Variants in ASIC2 observed in about 807,000 individuals in gnomAD.
ASIC2 encodes acid-sensing ion channel 2.
A neutral mutation model predicts 57.3 loss-of-function variants in ASIC2; 25 were observed. The observed-to-expected ratio is 0.44, with a 90% CI of 0.32 to 0.61. The LOEUF is 0.61. Among genes scored for constraint, ASIC2 ranks in the 20% least tolerant of loss-of-function variants. ASIC2 has a pLI of 0.06. For synonymous variants in ASIC2, 319 were observed against 307.5 expected (o/e 1.04, Z -0.39); for missense variants, 641 against 738.1 (o/e 0.87, Z 1.52).
chr17:33,796,139 C>T (rs569157463), intron 1 of ASIC2, among the ~76,000 whole-genome samples: 5 of 152,270 alleles, frequency 3.3e-5, no homozygotes, highest in Non-Finnish European at 5.9e-5. Context: ...ATAATTGTGT[C>T]GGAGGACAGA....
chr17:33,502,484 C>G (rs1409023089), intron 1 of ASIC2, among the ~76,000 whole-genome samples: 1 of 152,180 alleles, frequency 6.6e-6, no homozygotes, highest in Non-Finnish European at 1.5e-5. Context: ...TGGCCGCTAG[C>G]TTGGAGCAAA....
intron 1 of ASIC2, among the ~76,000 whole-genome samples, chr17:33,499,928 C>T (rs948947930): frequency 5.3e-5 from 8 of 152,110 alleles, no homozygotes; most frequent in African/African-American, 1.9e-4. Context: ...CCAGAGCTAG[C>T]TCTCCTTCTA....
chr17:33,998,351 G>A (rs1419776717), intron 1 of ASIC2, among the ~76,000 whole-genome samples: 3 of 151,792 alleles, frequency 2.0e-5, no homozygotes, highest in Admixed American at 6.6e-5. Flanking sequence ...ATTTTTCATT[G>A]TTTTGCTCAT....
intron 1 of ASIC2, among the ~76,000 whole-genome samples, chr17:33,896,384 T>TG (rs1491514651): frequency 6.6e-6 from 1 of 152,202 alleles, no homozygotes; most frequent in African/African-American, 2.4e-5. Flanking sequence ...GATGTTTTTT[T>TG]GGGGGGAATC....
intron 1 of ASIC2, among the ~76,000 whole-genome samples, chr17:33,159,257 C>A (rs1320689118): frequency 2.0e-5 from 3 of 152,200 alleles, no homozygotes; most frequent in African/African-American, 4.8e-5. Flanking sequence ...TGCACTTCAA[C>A]GATGCATCAT....
chr17:34,138,804 C>T (rs569336778), intron 1 of ASIC2, among the ~76,000 whole-genome samples: 1 of 152,312 alleles, frequency 6.6e-6, no homozygotes, highest in Non-Finnish European at 1.5e-5. Context: ...CATTGTTCGA[C>T]TCTAGTGAAT....
chr17:33,544,282 C>T (rs9889836), intron 1 of ASIC2, among the ~76,000 whole-genome samples: 15,143 of 152,176 alleles, frequency 0.1, 1,986 homozygotes, highest in African/African-American at 0.3. Context: ...TGTTCGTCCA[C>T]GCACCAGCTG....
At chr17:33,720,753 T>C (rs1277542501) in intron 1 of ASIC2, among the ~76,000 whole-genome samples, 2 of 152,150 alleles carry the variant, frequency 1.3e-5, no homozygotes, top group Non-Finnish European at 2.9e-5. Context: ...AACACAGAAA[T>C]AATGCTTGTG....
intron 1 of ASIC2, among the ~76,000 whole-genome samples, chr17:33,341,323 CTCT>C (rs1597690349): frequency 6.6e-6 from 1 of 152,198 alleles, no homozygotes; most frequent in South Asian, 2.1e-4. Flanking sequence ...CATGGAGAAA[CTCT>C]TCTTAGAATT....
intron 1 of ASIC2, among the ~76,000 whole-genome samples, chr17:33,599,501 G>A (rs907756202): frequency 6.6e-6 from 1 of 152,244 alleles, no homozygotes; most frequent in Non-Finnish European, 1.5e-5. Flanking sequence ...CAGGTCTGGG[G>A]CTCAGAACTA....
At chr17:34,053,329 T>C (rs557714541) in intron 1 of ASIC2, among the ~76,000 whole-genome samples, 1 of 152,130 alleles carries the variant, frequency 6.6e-6, no homozygotes, top group Non-Finnish European at 1.5e-5. Flanking sequence ...ACACTGGAAA[T>C]GCTCTCCCAG....
At chr17:33,343,130 C>A (rs1907795828) in intron 1 of ASIC2, among the ~76,000 whole-genome samples, 1 of 152,118 alleles carries the variant, frequency 6.6e-6, no homozygotes, top group Admixed American at 6.5e-5. Flanking sequence ...GCAAAGCAGA[C>A]AAAGACAAAA....
chr17:33,940,591 C>A (rs1451455589), intron 1 of ASIC2, among the ~76,000 whole-genome samples: 1 of 152,088 alleles, frequency 6.6e-6, no homozygotes, highest in Non-Finnish European at 1.5e-5. Context: ...TTGAACACAA[C>A]AATGCACTGT....
At chr17:34,152,286 A>G (rs997177074) in intron 1 of ASIC2, among the ~76,000 whole-genome samples, 1 of 152,254 alleles carries the variant, frequency 6.6e-6, no homozygotes, top group East Asian at 1.9e-4. Context: ...TAGGTTAAGT[A>G]TGAAACTGAA....
chr17:33,990,406 G>A (rs2142009394), intron 1 of ASIC2, among the ~76,000 whole-genome samples: 1 of 152,332 alleles, frequency 6.6e-6, no homozygotes, highest in African/African-American at 2.4e-5. Context: ...TCGAGTCTTG[G>A]AGTTGGCCTC....
chr17:33,024,563 T>G (rs2091851634), intron 5 of ASIC2, among the ~76,000 whole-genome samples: 1 of 152,140 alleles, frequency 6.6e-6, no homozygotes, highest in African/African-American at 2.4e-5. Flanking sequence ...ACATAAAGTT[T>G]AAGGCATCAT....
chr17:33,105,970 G>A (rs921721929), intron 2 of ASIC2, among the ~76,000 whole-genome samples: 1 of 152,154 alleles, frequency 6.6e-6, no homozygotes, highest in Non-Finnish European at 1.5e-5. Context: ...CAAAGATGAG[G>A]GATGAAGAGT....
chr17:34,005,246 C>T (rs1906486102), intron 1 of ASIC2: 1 of 152,200 alleles, frequency 6.6e-6, no homozygotes, highest in African/African-American at 2.4e-5. Context: ...TGCCTCCAGT[C>T]CCAGCCTGCT....
chr17:33,363,070 C>T (rs138601790), intron 1 of ASIC2, among the ~76,000 whole-genome samples: 22 of 152,110 alleles, frequency 1.4e-4, no homozygotes, highest in African/African-American at 5.1e-4. Context: ...ATATATGGGC[C>T]CCAACAGCAC....
Sources: allele counts gnomAD v4.1 joint callset (sites outside exome capture counted in the v4.1 genomes callset), GRCh38; gene constraint gnomAD v4.1.1; transcripts MANE v1.5; gene names NCBI Gene and HGNC (gene_info 2026-07-23, HGNC 2026-07-21).